Variants in CAMKK1 observed in about 807,000 individuals in gnomAD.
The protein encoded by CAMKK1 is calcium/calmodulin dependent protein kinase kinase 1.
Under a neutral mutation model 63.5 loss-of-function variants are expected in CAMKK1, and 20 were observed. The observed-to-expected ratio is 0.32, with a 90% CI of 0.22 to 0.46. CAMKK1 has a LOEUF of 0.46. Ranked by LOEUF, CAMKK1 falls within the 20% of genes least tolerant of loss-of-function variation. The pLI is 1.00. For missense variants in CAMKK1, 588 were observed against 658.1 expected, an observed-to-expected ratio of 0.89 and a Z score of 1.17; for synonymous variants, 253 against 269.0, an observed-to-expected ratio of 0.94 and a Z score of 0.58.
At position 3,884,284 on chromosome 17, in the gene CAMKK1, C is replaced by G; in HGVS notation, c.408+96G>C. On this transcript the variant is annotated intron_variant, in intron 3 of 15. Coordinates refer to ENST00000348335, the MANE Select transcript of CAMKK1 (RefSeq NM_032294.3). The surrounding 1 kb of genome is among the most constrained non-coding windows in gnomAD (Gnocchi z 4.5). ...TCCTCACCTCCAGGCTAGGACTTGC[C>G]TGGCTCTGCCTCCCGTTCCCTCCCA... 7.2e-7 allele frequency: 1 copy of G among 1,381,012 alleles called. No individual in the cohort carries two copies. Among genetic ancestry groups the G allele is most frequent in the Non-Finnish European group, 1.0e-6 (1 of 974,050 alleles). The allele number at this position is 1,381,012 out of a possible 1,614,324, so 85.5% of individuals were successfully genotyped here. A position where few individuals can be genotyped will look rare whatever the true frequency, so the allele number is the denominator to read the frequency against.
chr17:3,864,620 C>T (rs933478730), intron 15 of CAMKK1, among the ~76,000 whole-genome samples: 2 of 152,214 alleles, frequency 1.3e-5, no homozygotes, highest in African/African-American at 4.8e-5. Context: ...ATTATATATG[C>T]CCCCTCTCCC....
rs1330945963 is a variant in CAMKK1, at chr17:3,883,572, C to T, written c.463-92G>A. The stretch of plus-strand genomic sequence containing the variant: ...GTGGACTGAGGTCCGGAGAGGCACA[C>T]TGGACATCTGCTACTGGCCCTGAGG... On this transcript the variant is annotated intron_variant, in intron 4 of 15. Coordinates refer to ENST00000348335, the MANE Select transcript of CAMKK1 (RefSeq NM_032294.3). This position sits in a 1 kb window ranked among gnomAD's most constrained non-coding sequence, Gnocchi z 4.7. The T allele has an allele frequency of 8.7e-6, 9 of 1,032,440 alleles. No individual in the cohort carries two copies. In the East Asian group the frequency reaches 9.5e-5, roughly 11 times the overall value. The allele number at this position is 1,032,440 out of a possible 1,614,324, so 64.0% of individuals were successfully genotyped here. A position where few individuals can be genotyped will look rare whatever the true frequency, so the allele number is the denominator to read the frequency against.
chr17:3,870,305 G>C (rs954723090), intron 12 of CAMKK1, among the ~76,000 whole-genome samples: 4 of 152,054 alleles, frequency 2.6e-5, no homozygotes, highest in African/African-American at 9.7e-5. Context: ...GGGAGACTCA[G>C]ATGGGAGGGA....
chr17:3,873,031 G>A (rs930003808), intron 11 of CAMKK1, among the ~76,000 whole-genome samples: 1 of 152,232 alleles, frequency 6.6e-6, no homozygotes, highest in Non-Finnish European at 1.5e-5. Context: ...CGTCAGCGTT[G>A]GGTGTCCCCA....
chr17:3,881,554 T>C, intron 8 of CAMKK1, 73 bp downstream of exon 8: 1 of 1,430,608 alleles, frequency 7.0e-7, no homozygotes, highest in Non-Finnish European at 9.7e-7. Flanking sequence ...ACCCCTGGGC[T>C]GGGGACACAG....
In CAMKK1 at chr17:3,861,872, C is replaced by T. The variant is rs2054341646; in HGVS notation, c.*339G>A. On this transcript the variant is annotated 3_prime_UTR_variant, in exon 16 of 16. Coordinates refer to ENST00000348335, the MANE Select transcript of CAMKK1 (RefSeq NM_032294.3). ...GGCCTCCACCTGCCATCTTGGTCTC[C>T]TGCCTCTGCCTCCTGCCCCAGGCCA... The T allele has an allele frequency of 5.9e-6, 2 of 340,100 alleles. No homozygotes were observed. Among genetic ancestry groups the T allele is most frequent in the African/African-American group, 2.1e-5 (1 of 48,280 alleles). 21.1% of individuals were successfully genotyped at this position (340,100 alleles called of 1,614,324 possible).
Position 3,869,543 on chromosome 17 carries a change from C to A in CAMKK1, c.1285G>T (p.Val429Leu). Residue 429 changes from valine to leucine, a missense_variant, in exon 14 of 16, where the codon GTG becomes TTG. By Grantham distance (32) the Val-to-Leu change is conservative. Coordinates refer to ENST00000348335, the MANE Select transcript of CAMKK1 (RefSeq NM_032294.3). Reference sequence around the variant, plus strand: ...GAGTTCTTAACCTCCTCCTCTGTCACCTCCACCACGCTGCAGTGCTCCTCC... The same window carrying A: ...GAGTTCTTAACCTCCTCCTCTGTCAACTCCACCACGCTGCAGTGCTCCTCC... ...SEEEHCSVVE[V>L]TEEEVKNSVR... 1 of 1,614,226 alleles carries A rather than the reference C, an allele frequency of 6.2e-7. No individual in the cohort carries two copies. Among genetic ancestry groups the A allele is most frequent in the Non-Finnish European group, 8.5e-7 (1 of 1,180,036 alleles).
rs1055458048 is a variant in CAMKK1, at chr17:3,865,767, A to G, written c.1445+141T>C. 1.1e-5 allele frequency: 16 copies of G among 1,463,516 alleles called. No individual in the cohort carries two copies. In the Admixed American group the frequency reaches 3.7e-4, roughly 34 times the overall value. 90.7% of individuals were successfully genotyped at this position (1,463,516 alleles called of 1,614,324 possible). A position where few individuals can be genotyped will look rare whatever the true frequency, so the allele number is the denominator to read the frequency against. ...CGACTAACCTTGGGGACAGAGATGC[A>G]AATGGGGCCAACACCGAGACCTGGC... On this transcript the variant is annotated intron_variant, in intron 15 of 15. Transcript: ENST00000348335.
intron 7 of CAMKK1, 155 bp from the exon 8 acceptor site, chr17:3,881,803 A>C: frequency 1.5e-6 from 1 of 673,852 alleles, no homozygotes; most frequent in Non-Finnish European, 2.7e-6. Context: ...AGAGCAAATA[A>C]ATGCATGAGA....
At position 3,881,553 on chromosome 17, in the gene CAMKK1, C is replaced by G. The variant is rs999848583; in HGVS notation, c.707+74G>C. The G allele has an allele frequency of 4.2e-6, 6 of 1,426,828 alleles. No homozygotes were observed. In the African/African-American group the frequency reaches 8.5e-5, roughly 20 times the overall value. 88.4% of individuals were successfully genotyped at this position (1,426,828 alleles called of 1,614,324 possible). On this transcript the variant is annotated intron_variant, in intron 8 of 15. Transcript: ENST00000348335. ...TCTCCTAGAGTAGCTGACCCCTGGG[C>G]TGGGGACACAGGGAGGGAAAGGAAG...
At chr17:3,863,485 T>C (rs1261238611) in intron 15 of CAMKK1, among the ~76,000 whole-genome samples, 1 of 151,338 alleles carries the variant, frequency 6.6e-6, no homozygotes, top group Non-Finnish European at 1.5e-5. Flanking sequence ...GCAACAAGAG[T>C]GAAACTCCAT....
At chr17:3,873,883 T>C (rs548785814) in intron 10 of CAMKK1, among the ~76,000 whole-genome samples, 2 of 152,268 alleles carry the variant, frequency 1.3e-5, no homozygotes, top group African/African-American at 4.8e-5. Flanking sequence ...CTTCCTGATA[T>C]TGCAAACAGC....
chr17:3,888,170 CG>C (rs1567638309), intron 1 of CAMKK1, among the ~76,000 whole-genome samples: 1 of 152,152 alleles, frequency 6.6e-6, no homozygotes, highest in Non-Finnish European at 1.5e-5. Context: ...GCAGGGACTA[CG>C]GGACTCAGAG....
chr17:3,877,014 TC>T, intron 9 of CAMKK1, among the ~76,000 whole-genome samples: 1 of 152,186 alleles, frequency 6.6e-6, no homozygotes, highest in South Asian at 2.1e-4. Context: ...CACCTTGGCC[TC>T]CCAAAGTGCT....
Position 3,862,194 on chromosome 17 carries a change from T to TG in CAMKK1, c.*16dup. The TG allele has an allele frequency of 6.4e-7, 1 of 1,573,090 alleles. No individual in the cohort carries two copies. Among genetic ancestry groups the TG allele is most frequent in the Non-Finnish European group, 8.6e-7 (1 of 1,158,952 alleles). ...GGATGAGTGTGCTGCCGGGTGGCCC[T>TG]GGGTGCATGCAGGGGCTCAGGATGC... On this transcript the variant is annotated 3_prime_UTR_variant, in exon 16 of 16. Coordinates refer to ENST00000348335, the MANE Select transcript of CAMKK1 (RefSeq NM_032294.3). This position sits in a 1 kb window ranked among gnomAD's most constrained non-coding sequence, Gnocchi z 4.1.
At chr17:3,881,961 T>C (rs1003741629) in intron 7 of CAMKK1, 1 of 533,006 alleles carries the variant, frequency 1.9e-6, no homozygotes, top group Non-Finnish European at 3.3e-6. Context: ...GACAGGCAGG[T>C]AGGGTAGGGA....
At position 3,869,592 on chromosome 17, in the gene CAMKK1, G is replaced by C; in HGVS notation, c.1236C>G (p.Asn412Lys). 4 of 1,614,220 alleles carry C rather than the reference G, an allele frequency of 2.5e-6. No individual in the cohort carries two copies. Among genetic ancestry groups the C allele is most frequent in the Non-Finnish European group, 3.4e-6 (4 of 1,180,038 alleles). ...CCTCCGAAGGAAGGGGCTCCTCCCC[G>C]TTCTTGGTCACCCAAGGGTGCAACT... ...DIKLHPWVTK[N>K]GEEPLPSEEE... Residue 412 changes from asparagine to lysine, a missense_variant, in exon 14 of 16, where the codon AAC becomes AAG. This residue lies in a region of CAMKK1 where 226 missense variants were observed against 229.2 expected (regional missense o/e 0.99). Coordinates refer to ENST00000348335, the MANE Select transcript of CAMKK1 (RefSeq NM_032294.3).
chr17:3,870,733 C>T (rs1941826723), intron 12 of CAMKK1, among the ~76,000 whole-genome samples: 1 of 152,150 alleles, frequency 6.6e-6, no homozygotes, highest in Non-Finnish European at 1.5e-5. Flanking sequence ...GAGCAGAAAG[C>T]CACTCTCAGG....
chr17:3,872,651 A>T lies in CAMKK1; in HGVS notation c.1051-24T>A, dbSNP rs778195561. The T allele has an allele frequency of 3.7e-6, 6 of 1,604,774 alleles. No homozygotes were observed. In the African/African-American group the frequency reaches 8.0e-5, roughly 21 times the overall value. ...CACTGTGGGGTGGAGAGGCAGACAA[A>T]GGATGTGGGTCCAGGGCCTCGACCT... On this transcript the variant is annotated intron_variant, in intron 11 of 15. Coordinates refer to ENST00000348335, the MANE Select transcript of CAMKK1 (RefSeq NM_032294.3).
Sources: gnomAD v4.1 joint callset for allele counts (sites outside exome capture counted in the v4.1 genomes callset) on GRCh38, gnomAD v4.1.1 for gene constraint, gnomAD v4.1.1 regional missense constraint, Gnocchi (gnomAD v3.1) non-coding constraint, MANE v1.5 for transcripts, NCBI Gene and HGNC (gene_info 2026-07-23, HGNC 2026-07-21) for gene names.